PCDHA1: variants seen among roughly 807,000 people sequenced by gnomAD.
PCDHA1 encodes protocadherin alpha 1, also known as protocadherin alpha-1.
Under a neutral mutation model 61.3 loss-of-function variants are expected in PCDHA1, and 42 were observed. The observed-to-expected ratio is 0.69, with a 90% CI of 0.54 to 0.89. The LOEUF (loss-of-function observed/expected upper bound fraction) is 0.89, where lower values mean the gene tolerates loss of function less well. PCDHA1 is among the 40% of genes least tolerant of loss of function. The pLI, the probability that PCDHA1 is intolerant of heterozygous loss-of-function variation, is 0.00. For synonymous variants in PCDHA1, 610 were observed against 553.8 expected (o/e 1.10, Z -1.43); for missense variants, 1,256 against 1,235.3 (o/e 1.02, Z -0.25).
intron 1 of PCDHA1, among the ~76,000 whole-genome samples, chr5:140,826,743 G>GA (rs1245871105): frequency 1.3e-5 from 2 of 152,122 alleles, no homozygotes; most frequent in African/African-American, 4.8e-5. Flanking sequence ...TATATTGTCA[G>GA]AAAAATAAGA....
chr5:140,861,270 A>G (rs900401240), intron 1 of PCDHA1: 2 of 180,284 alleles, frequency 1.1e-5, no homozygotes, highest in South Asian at 1.2e-4. Flanking sequence ...AGCCTACAGC[A>G]CTGGCTTCTG....
chr5:140,809,471 G>A (rs1250038191), intron 1 of PCDHA1: 30 of 1,614,116 alleles, frequency 1.9e-5, no homozygotes, highest in Non-Finnish European at 2.5e-5. Flanking sequence ...GTGCTCTGGT[G>A]AGGGCCCACC....
intron 1 of PCDHA1, among the ~76,000 whole-genome samples, chr5:140,806,741 C>T (rs1763776091): frequency 6.6e-6 from 1 of 152,124 alleles, no homozygotes; most frequent in Non-Finnish European, 1.5e-5. Flanking sequence ...TACATGTTTA[C>T]AAAGTGTATA....
At chr5:140,875,951 C>T in intron 1 of PCDHA1, 1 of 1,614,116 alleles carries the variant, frequency 6.2e-7, no homozygotes, top group South Asian at 1.1e-5. Context: ...GCTTCTGATG[C>T]GGATATCGGC....
intron 1 of PCDHA1, chr5:140,797,505 C>T: frequency 2.3e-6 from 2 of 888,154 alleles, no homozygotes; most frequent in Non-Finnish European, 3.5e-6. Context: ...CAATTTATTG[C>T]ATTTACTGAA....
chr5:140,790,865 A>G (rs1761603687), intron 1 of PCDHA1, among the ~76,000 whole-genome samples: 1 of 152,262 alleles, frequency 6.6e-6, no homozygotes, highest in Admixed American at 6.5e-5. Context: ...TGGGCGTAGG[A>G]GTACAAAATT....
At chr5:140,978,769 T>C in intron 1 of PCDHA1, 180 bp from the exon 2 acceptor site, 1 of 957,338 alleles carries the variant, frequency 1.0e-6, no homozygotes, top group Non-Finnish European at 1.2e-6. Flanking sequence ...CCTGATGAAC[T>C]AATTTTCTTC....
chr5:140,854,948 T>C (rs1417243571), intron 1 of PCDHA1, among the ~76,000 whole-genome samples: 4 of 150,034 alleles, frequency 2.7e-5, no homozygotes, highest in Middle Eastern at 3.5e-3. Flanking sequence ...AATAATAAAT[T>C]TCTTAATTAC....
At chr5:140,817,592 C>T (rs1012738110) in intron 1 of PCDHA1, 1 of 152,152 alleles carries the variant, frequency 6.6e-6, no homozygotes, top group African/African-American at 2.4e-5. Flanking sequence ...TTAATAATTC[C>T]AGGCAACGCT....
chr5:140,803,574 G>C (rs1306203317), intron 1 of PCDHA1: 1 of 1,614,224 alleles, frequency 6.2e-7, no homozygotes, highest in Admixed American at 1.7e-5. Context: ...GGATGTGGAC[G>C]TTGATCTCTC....
intron 1 of PCDHA1, among the ~76,000 whole-genome samples, chr5:140,931,837 G>A (rs1422066331): frequency 6.6e-6 from 1 of 151,798 alleles, no homozygotes; most frequent in Non-Finnish European, 1.5e-5. Flanking sequence ...TATCCTGAAT[G>A]CCTTAATAAC....
At position 140,787,330 on chromosome 5, in the gene PCDHA1, C is replaced by T; in HGVS notation, c.1040C>T (p.Ala347Val). 6.2e-7 allele frequency: 1 copy of T among 1,614,188 alleles called. No homozygotes were observed. The highest frequency in any genetic ancestry group is 8.5e-7 in the Non-Finnish European group (1 of 1,179,996). Residue 347 changes from alanine to valine, a missense_variant, in exon 1 of 4, where the codon GCT becomes GTT. Coordinates refer to ENST00000504120, the MANE Select transcript of PCDHA1 (RefSeq NM_018900.4). ...LVKVLDVNDN[A>V]PELAVTSLYL... ...AAAGTGCTGGATGTAAATGATAATG[C>T]TCCAGAACTGGCGGTCACTTCATTG...
intron 1 of PCDHA1, among the ~76,000 whole-genome samples, chr5:140,974,766 G>A (rs2096639663): frequency 6.6e-6 from 1 of 152,158 alleles, no homozygotes; most frequent in Non-Finnish European, 1.5e-5. Flanking sequence ...GGGATTACAG[G>A]TATGAGCCAC....
chr5:140,794,798 G>C (rs1761880250), intron 1 of PCDHA1: 1 of 708,278 alleles, frequency 1.4e-6, no homozygotes, highest in African/African-American at 1.8e-5. Flanking sequence ...ACATGATGTC[G>C]CTGTCCACCA....
At chr5:140,902,395 G>A (rs782771913) in intron 1 of PCDHA1, among the ~76,000 whole-genome samples, 2 of 151,802 alleles carry the variant, frequency 1.3e-5, no homozygotes, top group Non-Finnish European at 2.9e-5. Context: ...GTACTATGTT[G>A]AATACTATGT....
intron 1 of PCDHA1, among the ~76,000 whole-genome samples, chr5:140,946,108 T>C (rs782062288): frequency 2.0e-5 from 3 of 151,938 alleles, no homozygotes; most frequent in Non-Finnish European, 4.4e-5. Context: ...ATACCAAATA[T>C]ATAAGGAACT....
intron 1 of PCDHA1, chr5:140,859,810 TGC>T (rs2046025948): frequency 6.6e-6 from 1 of 152,488 alleles, no homozygotes. Context: ...GCTAAGTTAA[TGC>T]AGAGTTTAGA....
chr5:140,929,279 T>C (rs368682683), intron 1 of PCDHA1: 1 of 1,603,874 alleles, frequency 6.2e-7, no homozygotes, highest in Non-Finnish European at 8.5e-7. Context: ...ATATCCTGTA[T>C]TCAGATTCGG....
chr5:140,875,765 G>T (rs1554167926), intron 1 of PCDHA1: 2 of 1,614,252 alleles, frequency 1.2e-6, no homozygotes, highest in Middle Eastern at 1.6e-4. Context: ...CTGTGCGGGC[G>T]GAGCGCGGAG....
Sources: gnomAD v4.1 joint callset for allele counts (sites outside exome capture counted in the v4.1 genomes callset) on GRCh38, gnomAD v4.1.1 for gene constraint, MANE v1.5 for transcripts, NCBI Gene and HGNC (gene_info 2026-07-23, HGNC 2026-07-21) for gene names.